AMPD2: variants seen among roughly 807,000 people sequenced by gnomAD.
The protein encoded by AMPD2 is AMP deaminase 2.
In AMPD2, 52 loss-of-function variants were observed where a neutral mutation model predicts 91.3. That is an observed-to-expected ratio of 0.57 (90% CI 0.46 to 0.72). The LOEUF (loss-of-function observed/expected upper bound fraction) is 0.72. AMPD2 is among the 30% of genes least tolerant of loss of function. The probability of loss-of-function intolerance (pLI) is 0.00; values close to 1 mark genes in which losing one functional copy is unlikely to be tolerated. For synonymous variants in AMPD2, 455 were observed against 456.4 expected, an observed-to-expected ratio of 1.00 and a Z score of 0.04; for missense variants, 822 against 1,122.3, an observed-to-expected ratio of 0.73 and a Z score of 3.82.
At chr1:109,627,033 T>G in intron 7 of AMPD2, 121 bp downstream of exon 7, 1 of 1,540,362 alleles carries the variant, frequency 6.5e-7, no homozygotes, top group Non-Finnish European at 8.8e-7. Context: ...TCCAACCTCT[T>G]GGGGTACAGG....
At chr1:109,630,206 G>A in intron 16 of AMPD2, 27 bp from the exon 17 acceptor site, 1 of 1,608,728 alleles carries the variant, frequency 6.2e-7, no homozygotes, top group East Asian at 2.2e-5. Context: ...CCACCTGACA[G>A]GCCCTCCCTC....
In AMPD2 at chr1:109,626,391, T is replaced by C. The variant is rs1284928687; in HGVS notation, c.495T>C (p.Phe165=). The C allele has an allele frequency of 2.5e-6, 4 of 1,611,826 alleles. No homozygotes were observed. The highest frequency in any genetic ancestry group is 3.4e-6 in the Non-Finnish European group (4 of 1,179,224). The stretch of plus-strand genomic sequence containing the variant: ...AGCGTGATGTGCTGGAACGGGAGTT[T>C]CAGCGGGTCACCATCTCTGGGGAGG... ...LRERDVLERE[F]QRVTISGEEK... The change falls in exon 6 of 19, where the codon TTT becomes TTC. Residue 165 remains phenylalanine (F), a synonymous_variant. Transcript: ENST00000528667.
chr1:109,628,594 G>A lies in AMPD2; in HGVS notation c.1408-49G>A. On this transcript the variant is annotated intron_variant, in intron 12 of 18. Transcript: ENST00000528667. The surrounding 1 kb of genome is among the most constrained non-coding windows in gnomAD (Gnocchi z 7.1). ...GGGTAGGCAGATGACCCCCTGAAGAGCTCTGACTCAGCTCACCTCATGTCT... is the reference window on the plus strand; with the variant it reads ...GGGTAGGCAGATGACCCCCTGAAGAACTCTGACTCAGCTCACCTCATGTCT... The A allele has an allele frequency of 6.2e-7, 1 of 1,610,746 alleles. No individual in the cohort carries two copies. The highest frequency in any genetic ancestry group is 8.5e-7 in the Non-Finnish European group (1 of 1,177,680).
chr1:109,627,524 T>C lies in AMPD2; in HGVS notation c.950+6T>C, dbSNP rs1362926484. 2 of 1,613,428 alleles carry C rather than the reference T, an allele frequency of 1.2e-6. No homozygotes were observed. The highest frequency in any genetic ancestry group is 1.7e-5 in the Admixed American group (1 of 59,938). ...CTGATTATCAATGGCCCCATGTGAG[T>C]CCCCTGCCATCCCAGACACTTAGCT... On this transcript the variant is annotated splice_donor_region_variant and intron_variant, in intron 9 of 18. Transcript: ENST00000528667.
At chr1:109,630,113 C>G in intron 16 of AMPD2, 120 bp from the exon 17 acceptor site, 3 of 1,359,404 alleles carry the variant, frequency 2.2e-6, no homozygotes, top group Non-Finnish European at 3.1e-6. Flanking sequence ...CTTTGCACAT[C>G]AGGCCAAGCC....
intron 10 of AMPD2, 74 bp downstream of exon 10, chr1:109,627,977 G>GC (rs1304990315): frequency 5.8e-5 from 93 of 1,605,916 alleles, no homozygotes; most frequent in Middle Eastern, 1.7e-4. Flanking sequence ...CAAGGGCCAG[G>GC]CCCCCCACAC....
At chr1:109,621,429 TGA>T in intron 2 of AMPD2, 163 bp downstream of exon 2, 1 of 139,166 alleles carries the variant, frequency 7.2e-6, no homozygotes, top group Admixed American at 1.1e-4. Flanking sequence ...GAAGGTGGGG[TGA>T]GGGGTGGTGG....
chr1:109,622,422 AGT>A (rs1650342897), intron 2 of AMPD2: 1 of 392,798 alleles, frequency 2.5e-6, no homozygotes, highest in East Asian at 7.2e-5. Context: ...CAGTCGTGGC[AGT>A]GTGTGAGGGG....
chr1:109,622,836 G>A (rs766826832), intron 2 of AMPD2, among the ~76,000 whole-genome samples: 5 of 152,078 alleles, frequency 3.3e-5, no homozygotes, highest in African/African-American at 4.8e-5. Flanking sequence ...GTCTGTGGTC[G>A]GCCTCCCCTA....
At chr1:109,623,666 C>T in intron 2 of AMPD2, 1 of 152,662 alleles carries the variant, frequency 6.6e-6, no homozygotes, top group South Asian at 2.1e-4. Context: ...CGCTGTTCCC[C>T]TCCTTTTTCT....
chr1:109,622,831 T>G (rs1343031573), intron 2 of AMPD2, among the ~76,000 whole-genome samples: 12 of 152,104 alleles, frequency 7.9e-5, no homozygotes, highest in Admixed American at 7.2e-4. Flanking sequence ...TGGAGGTCTG[T>G]GGTCGGCCTC....
chr1:109,626,914 TG>T lies in AMPD2; in HGVS notation c.718+5del. On this transcript the variant is annotated splice_donor_region_variant and intron_variant, in intron 7 of 18. Coordinates refer to ENST00000528667, the MANE Select transcript of AMPD2 (RefSeq NM_001368809.2). ...GCCCCGACACCCCTGTGTCTGCTGG[TG>T]GGACTCCCCATCTCTGCCCCATGCC... 1 of 1,611,338 alleles carries T rather than the reference TG, an allele frequency of 6.2e-7. No homozygotes were observed. The highest frequency in any genetic ancestry group is 1.1e-5 in the South Asian group (1 of 90,858).
At chr1:109,629,016 C>G in intron 13 of AMPD2, 93 bp from the exon 14 acceptor site, 1 of 1,545,594 alleles carries the variant, frequency 6.5e-7, no homozygotes, top group Non-Finnish European at 8.8e-7. Flanking sequence ...TGCGCCCCTG[C>G]GCTCTTGGGC....
rs753591864 is a variant in AMPD2 at position 109,626,416 on chromosome 1, G to A, written c.520G>A (p.Glu174Lys). The A allele has an allele frequency of 6.2e-7, 1 of 1,609,698 alleles. No individual in the cohort carries two copies. ...TCAGCGGGTCACCATCTCTGGGGAG[G>A]AGAAGTGTGGGGTAAGTATGGGGTG... The part of the protein sequence containing the change: ...EFQRVTISGE[E>K]KCGVPFTDLL... Residue 174 changes from glutamate to lysine, a missense_variant, in exon 6 of 19, where the codon GAG becomes AAG. Coordinates refer to ENST00000528667, the MANE Select transcript of AMPD2 (RefSeq NM_001368809.2).
intron 2 of AMPD2, 173 bp downstream of exon 2, chr1:109,621,439 T>TGGGGGGAGGGGTGGG: frequency 8.2e-6 from 1 of 121,622 alleles, no homozygotes; most frequent in South Asian, 3.8e-5. Flanking sequence ...TGAGGGGTGG[T>TGGGGGGAGGGGTGGG]GGGGGGCGGG....
rs371378180 is a variant in AMPD2 at position 109,629,500 on chromosome 1, C to T, written c.1862+10C>T. The T allele has an allele frequency of 8.1e-6, 13 of 1,612,298 alleles. No homozygotes were observed. The highest frequency in any genetic ancestry group is 2.7e-5 in the African/African-American group (2 of 75,018). On this transcript the variant is annotated intron_variant, in intron 15 of 18. Transcript: ENST00000528667. ...TGAACCACCTGCGCAGGTGCCTGCACCACCCTGTGTCTGCTTGCTATGCCA... is the reference window on the plus strand; with the variant it reads ...TGAACCACCTGCGCAGGTGCCTGCATCACCCTGTGTCTGCTTGCTATGCCA...
At position 109,629,609 on chromosome 1, in the gene AMPD2, G is replaced by A; in HGVS notation, c.1862+119G>A. 5 of 1,469,022 alleles carry A rather than the reference G, an allele frequency of 3.4e-6. No individual in the cohort carries two copies. In the South Asian group the frequency reaches 6.3e-5, roughly 19 times the overall value. 91.0% of individuals were successfully genotyped at this position (1,469,022 alleles called of 1,614,324 possible). A position where few individuals can be genotyped will look rare whatever the true frequency, so the allele number is the denominator to read the frequency against. ...CCCACCTGTTGCCTGGACTGGATGG[G>A]TTCTTTCTCTGCCCTTGGAGCTACA... On this transcript the variant is annotated intron_variant, in intron 15 of 18. Transcript: ENST00000528667.
chr1:109,629,342 A>T lies in AMPD2; in HGVS notation c.1714A>T (p.Ser572Cys), dbSNP rs1400192135. The change falls in exon 15 of 19, where the codon AGC becomes TGC. Residue 572 changes from serine to cysteine, a missense_variant. Physicochemically the swap from Ser to Cys is moderately radical, Grantham distance 112. Transcript: ENST00000528667. ...LFLEHVDGFD[S>C]VDDESKPENH... ...TCTGTATTAGGTGGATGGTTTTGACAGCGTGGATGATGAGTCCAAGCCTGA... is the reference window on the plus strand; with the variant it reads ...TCTGTATTAGGTGGATGGTTTTGACTGCGTGGATGATGAGTCCAAGCCTGA... 6.2e-7 allele frequency: 1 copy of T among 1,614,144 alleles called. No homozygotes were observed. The highest frequency in any genetic ancestry group is 8.5e-7 in the Non-Finnish European group (1 of 1,180,030).
chr1:109,627,723 A>G (rs757165519), intron 9 of AMPD2, 51 bp from the exon 10 acceptor site: 1 of 1,604,484 alleles, frequency 6.2e-7, no homozygotes, highest in Non-Finnish European at 8.5e-7. Context: ...AGCCCTCCCC[A>G]GGTGCCTCCC....
Sources: gnomAD v4.1 joint callset for allele counts (sites outside exome capture counted in the v4.1 genomes callset) on GRCh38, gnomAD v4.1.1 for gene constraint, Gnocchi (gnomAD v3.1) non-coding constraint, MANE v1.5 for transcripts, NCBI Gene and HGNC (gene_info 2026-07-23, HGNC 2026-07-21) for gene names.